TMEM97: variants seen among roughly 807,000 people sequenced by gnomAD.
The protein encoded by TMEM97 is sigma intracellular receptor 2.
A neutral mutation model predicts 18.3 loss-of-function variants in TMEM97; 13 were observed. That is an observed-to-expected ratio of 0.71 (90% CI 0.46 to 1.13). The LOEUF is 1.13. Ranked by LOEUF, TMEM97 falls within the 50% of genes most tolerant of loss-of-function variation. The pLI, the probability that TMEM97 is intolerant of heterozygous loss-of-function variation, is 0.00. For synonymous variants in TMEM97, 76 were observed against 85.3 expected (o/e 0.89, Z 0.60); for missense variants, 205 against 210.5 (o/e 0.97, Z 0.16).
At chr17:28,320,313 G>A (rs903753352) in intron 1 of TMEM97, among the ~76,000 whole-genome samples, 30 of 152,256 alleles carry the variant, frequency 2.0e-4, no homozygotes, top group African/African-American at 6.0e-4. Flanking sequence ...TTCCTGCAAG[G>A]AGAATATAGC....
At chr17:28,322,158 C>T (rs922321391) in intron 1 of TMEM97, among the ~76,000 whole-genome samples, 9 of 152,020 alleles carry the variant, frequency 5.9e-5, no homozygotes, top group Non-Finnish European at 1.0e-4. Flanking sequence ...TGGGCTGAAA[C>T]ATGCACAATA....
chr17:28,325,503 T>C lies in TMEM97; in HGVS notation c.127T>C (p.Phe43Leu), dbSNP rs1555575349. ...VLPRELYPVEFRNLLKWYAKE... is the reference protein window; with the variant it reads ...VLPRELYPVELRNLLKWYAKE... ...TCATCATGATCGTTTTCTTTTTCAG[T>C]TTAGAAACCTGCTGAAGTGGTATGC... Residue 43 changes from phenylalanine (F) to leucine (L), a missense_variant and splice_region_variant, in exon 2 of 3, where the codon TTT becomes CTT. Phe to Leu is a conservative substitution (Grantham distance 22, BLOSUM62 0). Coordinates refer to ENST00000226230, the MANE Select transcript of TMEM97 (RefSeq NM_014573.3). 6.2e-7 allele frequency: 1 copy of C among 1,613,284 alleles called. No homozygotes were observed. The highest frequency in any genetic ancestry group is 1.7e-5 in the Admixed American group (1 of 59,764).
At position 28,319,304 on chromosome 17, in the gene TMEM97, T is replaced by TC; in HGVS notation, c.69dup (p.Ile24HisfsTer21). ...CTGGGCCTCTACTTCCTCAGCCACATCCCCATCACCCTGTTCATGGACCTG... is the reference window on the plus strand; with the variant it reads ...CTGGGCCTCTACTTCCTCAGCCACATCCCCCATCACCCTGTTCATGGACCTG... On this transcript the variant is annotated frameshift_variant, in exon 1 of 3. Coordinates refer to ENST00000226230, the MANE Select transcript of TMEM97 (RefSeq NM_014573.3). LOFTEE classifies it high-confidence loss of function. 4.3e-6 allele frequency: 7 copies of TC among 1,611,470 alleles called. No individual in the cohort carries two copies. Among genetic ancestry groups the TC allele is most frequent in the Non-Finnish European group, 5.9e-6 (7 of 1,178,876 alleles).
intron 1 of TMEM97, among the ~76,000 whole-genome samples, chr17:28,320,972 A>G (rs954117813): frequency 2.0e-5 from 3 of 152,194 alleles, no homozygotes; most frequent in Non-Finnish European, 4.4e-5. Flanking sequence ...CCTTAATTAC[A>G]TCTGCAAAGT....
chr17:28,325,714 T>A, intron 2 of TMEM97, 67 bp downstream of exon 2: 1 of 1,600,098 alleles, frequency 6.2e-7, no homozygotes, highest in Non-Finnish European at 8.5e-7. Flanking sequence ...TTTGGGAAAG[T>A]ATCTCCAAAG....
Position 28,327,077 on chromosome 17 carries a change from T to G in TMEM97, c.*284T>G, listed in dbSNP as rs1170189827. On this transcript the variant is annotated 3_prime_UTR_variant, in exon 3 of 3. Transcript: ENST00000226230. ...GCCTCCTGGGCTCAAGCCATCTTCC[T>G]TAGCCTCCCAAGTAGCTAGAACTAC... 1 of 398,044 alleles carries G rather than the reference T, an allele frequency of 2.5e-6. No individual in the cohort carries two copies. Among genetic ancestry groups the G allele is most frequent in the East Asian group, 4.8e-5 (1 of 20,620 alleles). 24.7% of individuals were successfully genotyped at this position (398,044 alleles called of 1,614,324 possible).
At chr17:28,325,131 T>A (rs1240189680) in intron 1 of TMEM97, among the ~76,000 whole-genome samples, 1 of 152,178 alleles carries the variant, frequency 6.6e-6, no homozygotes, top group Non-Finnish European at 1.5e-5. Context: ...GACAGAAATG[T>A]CACATTTGTT....
chr17:28,328,295 T>C lies in TMEM97; in HGVS notation c.*1502T>C, dbSNP rs1203466867. ...TCTCTCATGAGGAGTTAAACATATTTCAAGAGCAACAGGAAAAAAGGTACA... is the reference window on the plus strand; with the variant it reads ...TCTCTCATGAGGAGTTAAACATATTCCAAGAGCAACAGGAAAAAAGGTACA... On this transcript the variant is annotated 3_prime_UTR_variant, in exon 3 of 3. Transcript: ENST00000226230. 1 of 230,676 alleles carries C rather than the reference T, an allele frequency of 4.3e-6. No individual in the cohort carries two copies. The highest frequency in any genetic ancestry group is 1.5e-4 in the East Asian group (1 of 6,862). The allele number at this position is 230,676 out of a possible 1,614,324, so 14.3% of individuals were successfully genotyped here.
chr17:28,326,246 C>G (rs1906327953), intron 2 of TMEM97, among the ~76,000 whole-genome samples: 1 of 152,150 alleles, frequency 6.6e-6, no homozygotes, highest in South Asian at 2.1e-4. Flanking sequence ...ATTTCCCTCC[C>G]CTTGGATTTT....
intron 1 of TMEM97, among the ~76,000 whole-genome samples, chr17:28,322,338 G>C (rs1363085513): frequency 1.3e-5 from 2 of 151,266 alleles, no homozygotes; most frequent in African/African-American, 4.9e-5. Flanking sequence ...TCTGCCTCTC[G>C]GGTTCAAGCA....
rs116393284 is a variant in TMEM97, at chr17:28,319,471, T to C, written c.126+106T>C. The C allele has an allele frequency of 1.5e-3, 1,984 of 1,353,134 alleles. 34 individuals carry two copies. The African/African-American group carries it at 0.027, about 19-fold the overall frequency. 83.8% of individuals were successfully genotyped at this position (1,353,134 alleles called of 1,614,324 possible). On this transcript the variant is annotated intron_variant, in intron 1 of 2. Coordinates refer to ENST00000226230, the MANE Select transcript of TMEM97 (RefSeq NM_014573.3). ...GCGCACTCTGGGTTCCAGTTGCCTC[T>C]CTCGGGTCCTGCCCATGCCTCCCCC...
intron 1 of TMEM97, among the ~76,000 whole-genome samples, chr17:28,321,405 A>T (rs2142154974): frequency 6.6e-6 from 1 of 152,312 alleles, no homozygotes; most frequent in Admixed American, 6.5e-5. Flanking sequence ...TCATATCATA[A>T]AGATCCCATT....
At chr17:28,321,767 C>A (rs1309842207) in intron 1 of TMEM97, among the ~76,000 whole-genome samples, 1 of 151,140 alleles carries the variant, frequency 6.6e-6, no homozygotes, top group Non-Finnish European at 1.5e-5. Context: ...GCAGAAGGCC[C>A]AAGGGCCAGT....
At chr17:28,319,625 C>T in intron 1 of TMEM97, 1 of 371,418 alleles carries the variant, frequency 2.7e-6, no homozygotes, top group Non-Finnish European at 4.8e-6. Context: ...TAAGGTTTCC[C>T]GCGATTCCAC....
rs901720905 is a variant in TMEM97 at position 28,326,454 on chromosome 17, G to A, written c.272-80G>A. 2.7e-5 allele frequency: 41 copies of A among 1,507,810 alleles called. No individual in the cohort carries two copies. The Middle Eastern group carries it at 1.6e-3, about 59-fold the overall frequency. The allele number at this position is 1,507,810 out of a possible 1,614,324, so 93.4% of individuals were successfully genotyped here. A position where few individuals can be genotyped will look rare whatever the true frequency, so the allele number is the denominator to read the frequency against. On this transcript the variant is annotated intron_variant, in intron 2 of 2. Coordinates refer to ENST00000226230, the MANE Select transcript of TMEM97 (RefSeq NM_014573.3). Reference sequence around the variant, plus strand: ...GAAGGGAGTAGAAGAAAGCAGGCAGGCAGAGACAGTGGGAAGGTCATGGAC... The same window carrying A: ...GAAGGGAGTAGAAGAAAGCAGGCAGACAGAGACAGTGGGAAGGTCATGGAC...
At chr17:28,325,168 C>T (rs1906283677) in intron 1 of TMEM97, among the ~76,000 whole-genome samples, 1 of 152,132 alleles carries the variant, frequency 6.6e-6, no homozygotes, top group African/African-American at 2.4e-5. Flanking sequence ...TGAGTGCCTA[C>T]CAAGTGCCAG....
At position 28,328,159 on chromosome 17, in the gene TMEM97, A is replaced by G. The variant is rs1267371747; in HGVS notation, c.*1366A>G. 1.3e-5 allele frequency: 2 copies of G among 155,110 alleles called. No homozygotes were observed. The highest frequency in any genetic ancestry group is 2.9e-5 in the Non-Finnish European group (2 of 69,914). 9.6% of individuals were successfully genotyped at this position (155,110 alleles called of 1,614,324 possible). ...TTTTCACCCATTTTGCTCACAAGCCATATTGGCCCGATTAGTGGTACTGTC... is the reference window on the plus strand; with the variant it reads ...TTTTCACCCATTTTGCTCACAAGCCGTATTGGCCCGATTAGTGGTACTGTC... On this transcript the variant is annotated 3_prime_UTR_variant, in exon 3 of 3. Transcript: ENST00000226230.
In TMEM97 at chr17:28,319,407, C is replaced by CG. The variant is rs782520913; in HGVS notation, c.126+44dup. ...TTATCCCGGCCCGCTGAGGCTCTCC[C>CG]GGCGCTGCGTCCACAGGGCCTTCAC... On this transcript the variant is annotated intron_variant, in intron 1 of 2. Coordinates refer to ENST00000226230, the MANE Select transcript of TMEM97 (RefSeq NM_014573.3). 4 of 1,371,916 alleles carry CG rather than the reference C, an allele frequency of 2.9e-6. No individual in the cohort carries two copies. The East Asian group carries it at 1.1e-4, about 39-fold the overall frequency. The allele number at this position is 1,371,916 out of a possible 1,614,324, so 85.0% of individuals were successfully genotyped here.
At chr17:28,320,039 T>C (rs1906082828) in intron 1 of TMEM97, among the ~76,000 whole-genome samples, 1 of 152,232 alleles carries the variant, frequency 6.6e-6, no homozygotes, top group African/African-American at 2.4e-5. Context: ...TGCTTTGTTT[T>C]TTTCTTCAAA....
Sources: gnomAD v4.1 joint callset for allele counts (sites outside exome capture counted in the v4.1 genomes callset) on GRCh38, gnomAD v4.1.1 for gene constraint, MANE v1.5 for transcripts, NCBI Gene and HGNC (gene_info 2026-07-23, HGNC 2026-07-21) for gene names.